The following DNAH12 variants were observed in gnomAD, a reference collection of about 807,000 sequenced individuals.
The protein encoded by DNAH12 is dynein axonemal heavy chain 12.
A neutral mutation model predicts 371.5 loss-of-function variants in DNAH12; 285 were observed. The observed-to-expected ratio is 0.77, with a 90% CI of 0.70 to 0.85. DNAH12 has a LOEUF of 0.85. Among genes scored for constraint, DNAH12 ranks in the 40% least tolerant of loss-of-function variants. The probability of loss-of-function intolerance (pLI) is 0.00; values close to 1 mark genes in which losing one functional copy is unlikely to be tolerated. For missense variants in DNAH12, 3,611 were observed against 3,689.4 expected (o/e 0.98, Z 0.55); for synonymous variants, 1,200 against 1,213.0 (o/e 0.99, Z 0.22).
In DNAH12 at chr3:57,444,767, T is replaced by C; in HGVS notation, c.4475A>G (p.Asp1492Gly). 2 of 1,549,000 alleles carry C rather than the reference T, an allele frequency of 1.3e-6. No individual in the cohort carries two copies. The highest frequency in any genetic ancestry group is 1.7e-6 in the Non-Finnish European group (2 of 1,146,138). Residue 1492 changes from aspartate (D) to glycine (G), a missense_variant, in exon 29 of 74, where the codon GAT becomes GGT. Transcript: ENST00000495027. ...DVNEPKFLSH[D>G]IPLFNGITSD... ...AGTTATTCCATTAAATAAAGGTATA[T>C]CATGTGATAAAAACTTTGGTTCATT...
In DNAH12 at chr3:57,471,551, TTCTC is replaced by T; in HGVS notation, c.1828_1831del (p.Glu610AsnfsTer6). 1 of 1,549,356 alleles carries T rather than the reference TTCTC, an allele frequency of 6.5e-7. No homozygotes were observed. On this transcript the variant is annotated frameshift_variant, in exon 15 of 74. Transcript: ENST00000495027. LOFTEE classifies it high-confidence loss of function. ...TTCTTTTTCTATTTCCAAAATAAGT[TTCTC>T]TCTCTTGGCCATTAGTTCATTTTCT...
intron 58 of DNAH12, among the ~76,000 whole-genome samples, chr3:57,358,177 G>A (rs1000982559): frequency 6.6e-6 from 1 of 152,116 alleles, no homozygotes; most frequent in Non-Finnish European, 1.5e-5. Flanking sequence ...CCAGATCCAA[G>A]ATAAGGTAAT....
At chr3:57,528,541 C>T (rs1242102045) in intron 2 of DNAH12, among the ~76,000 whole-genome samples, 4 of 148,968 alleles carry the variant, frequency 2.7e-5, no homozygotes, top group East Asian at 2.2e-4. Flanking sequence ...GCCTGACCAA[C>T]ATGGAGAAAC....
intron 10 of DNAH12, among the ~76,000 whole-genome samples, chr3:57,501,968 G>A (rs1448582137): frequency 6.6e-6 from 1 of 151,408 alleles, no homozygotes; most frequent in Admixed American, 6.6e-5. Flanking sequence ...GAGCAGTGGC[G>A]CGATCTCGGC....
chr3:57,373,598 A>G (rs2063222502), intron 55 of DNAH12, among the ~76,000 whole-genome samples: 1 of 151,666 alleles, frequency 6.6e-6, no homozygotes, highest in Admixed American at 6.6e-5. Flanking sequence ...TGCTGGGATT[A>G]CAGGCGTGAG....
chr3:57,446,640 C>T lies in DNAH12; in HGVS notation c.3836G>A (p.Gly1279Asp). 2 of 1,549,486 alleles carry T rather than the reference C, an allele frequency of 1.3e-6. No homozygotes were observed. The highest frequency in any genetic ancestry group is 1.7e-6 in the Non-Finnish European group (2 of 1,145,704). Residue 1279 changes from glycine (G) to aspartate (D), a missense_variant, in exon 26 of 74, where the codon GGC (glycine) becomes GAC (aspartate). By Grantham distance (94) the Gly-to-Asp change is moderately conservative. Around this residue, in one of 3 missense-constraint regions of DNAH12, gnomAD observed 2,266 missense variants for 2,236.9 expected, o/e 1.01. Coordinates refer to ENST00000495027, the MANE Select transcript of DNAH12 (RefSeq NM_001366028.2). ...CTTGGTGGTTTCGGTTTTTCCTGTG[C>T]CTGCTGGCCCCTCTGGAGCACCTCC... The part of the protein sequence containing the change: ...NLGGAPEGPA[G>D]TGKTETTKDL...
At chr3:57,492,950 A>C (rs1363952855) in intron 11 of DNAH12, among the ~76,000 whole-genome samples, 1 of 152,128 alleles carries the variant, frequency 6.6e-6, no homozygotes, top group East Asian at 1.9e-4. Flanking sequence ...GCTTGCAGTG[A>C]GTAGGGATGG....
At chr3:57,510,033 A>C (rs2153393797) in intron 5 of DNAH12, among the ~76,000 whole-genome samples, 1 of 152,224 alleles carries the variant, frequency 6.6e-6, no homozygotes, top group Admixed American at 6.5e-5. Context: ...AGCTCAATTT[A>C]GCTATTCCAC....
intron 60 of DNAH12, among the ~76,000 whole-genome samples, chr3:57,349,927 C>T (rs1045807699): frequency 2.0e-5 from 3 of 152,240 alleles, no homozygotes; most frequent in Admixed American, 6.5e-5. Flanking sequence ...TGAACTCAGG[C>T]GATCCACTTG....
At chr3:57,451,121 T>G (rs1339064763) in intron 25 of DNAH12, among the ~76,000 whole-genome samples, 1 of 152,200 alleles carries the variant, frequency 6.6e-6, no homozygotes, top group African/African-American at 2.4e-5. Flanking sequence ...CTGCTGTCCT[T>G]ATTTCCCTAC....
chr3:57,501,081 T>A (rs1284568449), intron 11 of DNAH12, among the ~76,000 whole-genome samples: 1 of 152,194 alleles, frequency 6.6e-6, no homozygotes, highest in Non-Finnish European at 1.5e-5. Context: ...ATTCCCACCC[T>A]TTCATTTATT....
At chr3:57,319,488 G>A (rs988966786) in intron 65 of DNAH12, among the ~76,000 whole-genome samples, 1 of 152,138 alleles carries the variant, frequency 6.6e-6, no homozygotes. Context: ...CCATGGTTGA[G>A]TATAATATAA....
At chr3:57,515,957 T>G in intron 4 of DNAH12, among the ~76,000 whole-genome samples, 1 of 151,878 alleles carries the variant, frequency 6.6e-6, no homozygotes, top group East Asian at 1.9e-4. Flanking sequence ...TTTTTTCTTT[T>G]GTCTCTTACT....
intron 12 of DNAH12, among the ~76,000 whole-genome samples, chr3:57,486,805 G>C (rs1016151995): frequency 6.6e-6 from 1 of 151,962 alleles, no homozygotes; most frequent in Non-Finnish European, 1.5e-5. Flanking sequence ...GGGCAACATA[G>C]TAGGACCCTG....
chr3:57,297,573 C>A (rs2061258793), intron 70 of DNAH12, among the ~76,000 whole-genome samples: 1 of 152,220 alleles, frequency 6.6e-6, no homozygotes, highest in African/African-American at 2.4e-5. Context: ...CCAGGCTGGT[C>A]TGGAACTCCT....
intron 36 of DNAH12, among the ~76,000 whole-genome samples, chr3:57,420,442 A>AT (rs1173164993): frequency 3.3e-5 from 5 of 152,098 alleles, no homozygotes; most frequent in East Asian, 3.9e-4. Flanking sequence ...TCATATTTGT[A>AT]TTTTTTTAAG....
At chr3:57,301,406 A>G (rs2061343998) in intron 70 of DNAH12, among the ~76,000 whole-genome samples, 1 of 151,884 alleles carries the variant, frequency 6.6e-6, no homozygotes, top group Non-Finnish European at 1.5e-5. Context: ...GTCTCAGAAA[A>G]CCACAAACTT....
intron 23 of DNAH12, 61 bp downstream of exon 23, chr3:57,454,713 TA>T (rs2065854598): frequency 1.0e-5 from 16 of 1,530,482 alleles, no homozygotes; most frequent in Non-Finnish European, 1.4e-5. Context: ...CTAAAAATAA[TA>T]AAATTAAATT....
rs1424089769 is a variant in DNAH12 at position 57,485,920 on chromosome 3, A to T, written c.1515-2409T>A. ...TGGGTACACTAAAATCTCAGAAATC[A>T]CCGCTAAATAACTTAACTGCTAGGC... is the stretch of plus-strand genomic sequence containing the variant. On this transcript the variant is annotated intron_variant, in intron 12 of 73. Coordinates refer to ENST00000495027, the MANE Select transcript of DNAH12 (RefSeq NM_001366028.2). 3.3e-5 allele frequency among the ~76,000 whole-genome samples: 5 copies of T among 152,130 alleles called. No individual in the cohort carries two copies. In the South Asian group the frequency reaches 6.2e-4, roughly 19 times the overall value.
Sources: allele counts gnomAD v4.1 joint callset (sites outside exome capture counted in the v4.1 genomes callset), GRCh38; gene constraint gnomAD v4.1.1; regional missense constraint gnomAD v4.1.1; transcripts MANE v1.5; gene names NCBI Gene and HGNC (gene_info 2026-07-23, HGNC 2026-07-21).